The following OLA1 variants were observed in gnomAD, a reference collection of about 807,000 sequenced individuals.
OLA1 encodes the protein obg-like ATPase 1.
OLA1 carries 14 observed loss-of-function variants against 48.4 expected under a neutral mutation model. The observed-to-expected ratio is 0.29, with a 90% CI of 0.19 to 0.45. OLA1 has a LOEUF of 0.45. Ranked by LOEUF, OLA1 falls within the 20% of genes least tolerant of loss-of-function variation. The probability of loss-of-function intolerance (pLI) is 1.00; values close to 1 mark genes in which losing one functional copy is unlikely to be tolerated. For missense variants in OLA1, 325 were observed against 467.1 expected, an observed-to-expected ratio of 0.70 and a Z score of 2.80; for synonymous variants, 127 against 150.4, an observed-to-expected ratio of 0.84 and a Z score of 1.14.
chr2:174,200,153 T>C (rs1013519214), intron 4 of OLA1, among the ~76,000 whole-genome samples: 3 of 152,150 alleles, frequency 2.0e-5, no homozygotes, highest in Non-Finnish European at 4.4e-5. Context: ...TTAGTTTTAA[T>C]TTTTAATACG....
chr2:174,114,833 C>T (rs1018969757), intron 7 of OLA1, among the ~76,000 whole-genome samples: 9 of 151,728 alleles, frequency 5.9e-5, no homozygotes, highest in Admixed American at 4.6e-4. Flanking sequence ...TCCAATGATG[C>T]AAATGCTTCA....
chr2:174,086,410 C>T (rs556118544), intron 7 of OLA1, among the ~76,000 whole-genome samples: 2 of 152,222 alleles, frequency 1.3e-5, no homozygotes, highest in East Asian at 1.9e-4. Context: ...CCCATTTTTC[C>T]GATGGGGATA....
chr2:174,224,451 A>T (rs934938395), intron 3 of OLA1, among the ~76,000 whole-genome samples: 1 of 152,062 alleles, frequency 6.6e-6, no homozygotes, highest in African/African-American at 2.4e-5. Flanking sequence ...CAATTCTAGG[A>T]CCTTCACCTT....
intron 4 of OLA1, among the ~76,000 whole-genome samples, chr2:174,200,079 T>G (rs1233029527): frequency 6.6e-6 from 1 of 152,176 alleles, no homozygotes. Context: ...AAAAAATATA[T>G]TATGTACACA....
chr2:174,088,439 C>T (rs1167946614), intron 7 of OLA1, among the ~76,000 whole-genome samples: 1 of 152,134 alleles, frequency 6.6e-6, no homozygotes, highest in Non-Finnish European at 1.5e-5. Context: ...AGGTTTATAA[C>T]CTGCACTAAA....
At chr2:174,196,223 T>A (rs1687876026) in intron 4 of OLA1, among the ~76,000 whole-genome samples, 1 of 152,118 alleles carries the variant, frequency 6.6e-6, no homozygotes, top group Non-Finnish European at 1.5e-5. Flanking sequence ...AAAATGCTTT[T>A]AACTGGGAAT....
intron 4 of OLA1, among the ~76,000 whole-genome samples, chr2:174,151,319 A>C (rs574701109): frequency 8.5e-5 from 13 of 152,240 alleles, no homozygotes; most frequent in Non-Finnish European, 1.6e-4. Flanking sequence ...TCAACCAGAT[A>C]ACCACTCTTC....
rs1225253029 is a variant in OLA1 at position 174,072,724 on chromosome 2, C to A, written c.*2702G>T. The A allele has an allele frequency of 6.6e-6, 1 of 152,126 alleles. No homozygotes were observed. The highest frequency in any genetic ancestry group is 1.5e-5 in the Non-Finnish European group (1 of 68,034). The allele number at this position is 152,126 out of a possible 1,614,324, so 9.4% of individuals were successfully genotyped here. The stretch of plus-strand genomic sequence containing the variant: ...TTATACACAGACAACTAGAGACAAA[C>A]ATCAAACTGGAATTTTAATATAGGA... On this transcript the variant is annotated 3_prime_UTR_variant, in exon 11 of 11. Transcript: ENST00000284719.
intron 9 of OLA1, among the ~76,000 whole-genome samples, chr2:174,080,231 T>C (rs1684829104): frequency 6.6e-6 from 1 of 152,032 alleles, no homozygotes; most frequent in Non-Finnish European, 1.5e-5. Context: ...TCCATGTTTC[T>C]ATCCATATTA....
intron 7 of OLA1, among the ~76,000 whole-genome samples, chr2:174,108,265 T>C (rs959478326): frequency 6.6e-6 from 1 of 152,080 alleles, no homozygotes; most frequent in Non-Finnish European, 1.5e-5. Context: ...AAATACTTAT[T>C]TTCAAAATCG....
chr2:174,164,388 T>TCTGCATAGTGCAGAATGGATACC (rs1336618491), intron 4 of OLA1, among the ~76,000 whole-genome samples: 1 of 149,450 alleles, frequency 6.7e-6, no homozygotes, highest in African/African-American at 2.6e-5. Flanking sequence ...CCATTCTGTT[T>TCTGCATAGTGCAGAATGGATACC]TATGTTTGGT....
chr2:174,165,002 C>G (rs765766446), intron 4 of OLA1, among the ~76,000 whole-genome samples: 1 of 152,182 alleles, frequency 6.6e-6, no homozygotes, highest in Non-Finnish European at 1.5e-5. Context: ...ATGAGTAAAG[C>G]TGGCCAAAAG....
chr2:174,221,096 G>A (rs1265376849), intron 4 of OLA1, among the ~76,000 whole-genome samples: 1 of 152,004 alleles, frequency 6.6e-6, no homozygotes, highest in Admixed American at 6.6e-5. Context: ...TATATACACT[G>A]TATTTCATCA....
Position 174,090,554 on chromosome 2 carries a change from T to C in OLA1, c.729-8490A>G, listed in dbSNP as rs185695259. 5.9e-4 allele frequency among the ~76,000 whole-genome samples: 90 copies of C among 152,298 alleles called. 2 individuals carry two copies. In the East Asian group the frequency reaches 0.015, roughly 25 times the overall value. ...TGTGGGAAGGCCTGCTAAGAGACTT[T>C]AGGAAAAAGAACCAAAAGGCTCCTC... is the stretch of plus-strand genomic sequence containing the variant. On this transcript the variant is annotated intron_variant, in intron 7 of 10. Coordinates refer to ENST00000284719, the MANE Select transcript of OLA1 (RefSeq NM_013341.5).
intron 7 of OLA1, among the ~76,000 whole-genome samples, chr2:174,082,715 T>A (rs2105340154): frequency 6.6e-6 from 1 of 152,238 alleles, no homozygotes; most frequent in East Asian, 1.9e-4. Flanking sequence ...GGAAAGAAAT[T>A]CCTTTAATCA....
intron 5 of OLA1, among the ~76,000 whole-genome samples, chr2:174,128,687 A>C (rs1341666846): frequency 6.6e-6 from 1 of 151,638 alleles, no homozygotes; most frequent in Non-Finnish European, 1.5e-5. Flanking sequence ...CAGTGAGCCG[A>C]GATTGCACCA....
intron 7 of OLA1, among the ~76,000 whole-genome samples, chr2:174,117,771 C>T (rs1685817893): frequency 6.6e-6 from 1 of 152,138 alleles, no homozygotes; most frequent in Non-Finnish European, 1.5e-5. Context: ...TATTCAAATC[C>T]TACAAACTAT....
chr2:174,176,746 T>C (rs1687430200), intron 4 of OLA1, among the ~76,000 whole-genome samples: 1 of 152,142 alleles, frequency 6.6e-6, no homozygotes, highest in Non-Finnish European at 1.5e-5. Flanking sequence ...GTGGGAGGTA[T>C]GGGGATGAAT....
intron 7 of OLA1, among the ~76,000 whole-genome samples, chr2:174,109,365 C>T (rs1240847574): frequency 6.6e-6 from 1 of 152,066 alleles, no homozygotes; most frequent in African/African-American, 2.4e-5. Context: ...TACTTGGCCA[C>T]CAATACATAT....
Sources: allele counts gnomAD v4.1 joint callset (sites outside exome capture counted in the v4.1 genomes callset), GRCh38; gene constraint gnomAD v4.1.1; transcripts MANE v1.5; gene names NCBI Gene and HGNC (gene_info 2026-07-23, HGNC 2026-07-21).